The following TCERG1L variants were observed in gnomAD, a reference collection of about 807,000 sequenced individuals.
The protein encoded by TCERG1L is transcription elongation regulator 1-like protein.
In TCERG1L, 37 loss-of-function variants were observed where a neutral mutation model predicts 56.3. That is an observed-to-expected ratio of 0.66 (90% CI 0.51 to 0.87). The LOEUF (loss-of-function observed/expected upper bound fraction) is 0.87, where lower values mean the gene tolerates loss of function less well. TCERG1L is among the 40% of genes least tolerant of loss of function. TCERG1L has a pLI of 0.00. For synonymous variants in TCERG1L, 324 were observed against 326.3 expected, an observed-to-expected ratio of 0.99 and a Z score of 0.08; for missense variants, 799 against 774.2, an observed-to-expected ratio of 1.03 and a Z score of -0.38.
At chr10:131,176,288 A>G (rs997893227) in intron 4 of TCERG1L, among the ~76,000 whole-genome samples, 8 of 151,874 alleles carry the variant, frequency 5.3e-5, no homozygotes, top group Non-Finnish European at 1.0e-4. Context: ...ACACACACCA[A>G]GAAACATGCA....
chr10:131,237,417 T>G (rs983354132), intron 4 of TCERG1L, among the ~76,000 whole-genome samples: 1 of 152,204 alleles, frequency 6.6e-6, no homozygotes, highest in Non-Finnish European at 1.5e-5. Flanking sequence ...CAGAGATTTT[T>G]GTTTCTCAAG....
intron 4 of TCERG1L, among the ~76,000 whole-genome samples, chr10:131,196,333 A>G (rs959503549): frequency 6.6e-6 from 1 of 152,074 alleles, no homozygotes; most frequent in African/African-American, 2.4e-5. Flanking sequence ...AGGCACATAC[A>G]CAGCCGCGTC....
intron 3 of TCERG1L, among the ~76,000 whole-genome samples, chr10:131,262,271 G>A (rs1846243761): frequency 6.6e-6 from 1 of 152,150 alleles, no homozygotes; most frequent in Non-Finnish European, 1.5e-5. Flanking sequence ...GCTTCCAGAT[G>A]GGCTCAGTGC....
At chr10:131,243,089 A>C (rs917339392) in intron 4 of TCERG1L, among the ~76,000 whole-genome samples, 5 of 152,160 alleles carry the variant, frequency 3.3e-5, no homozygotes. Flanking sequence ...AGTTCTGAAT[A>C]CCTAAAGTTA....
At position 131,192,753 on chromosome 10, in the gene TCERG1L, A is replaced by AG. The variant is rs1845318077; in HGVS notation, c.857-25869dup. On this transcript the variant is annotated intron_variant, in intron 4 of 11. Coordinates refer to ENST00000368642, the MANE Select transcript of TCERG1L (RefSeq NM_174937.4). ...ATTATTCTAAGTGAAGTAGTAACAC[A>AG]GGAGTGGAAAACCAAAAACTGTATG... 1.4e-5 allele frequency among the ~76,000 whole-genome samples: 2 copies of AG among 144,740 alleles called. 1 individual carries two copies. Among genetic ancestry groups the AG allele is most frequent in the Admixed American group, 1.4e-4 (2 of 14,564 alleles). The allele number at this position is 144,740 out of a possible 152,430, so 95.0% of individuals were successfully genotyped here.
chr10:131,216,926 T>C (rs1049830609), intron 4 of TCERG1L, among the ~76,000 whole-genome samples: 7 of 152,076 alleles, frequency 4.6e-5, no homozygotes, highest in African/African-American at 1.7e-4. Context: ...GAGGGTGGCA[T>C]CTCTACCCAG....
At chr10:131,256,992 G>GGAAAGAAAAGAAAGAAAGAAAGAAA (rs1846173501) in intron 4 of TCERG1L, among the ~76,000 whole-genome samples, 1 of 59,170 alleles carries the variant, frequency 1.7e-5, no homozygotes, top group African/African-American at 5.5e-5. Context: ...AAGGAAGGAA[G>GGAAAGAAAAGAAAGAAAGAAAGAAA]GAAAGAAAGA....
Position 131,154,582 on chromosome 10 carries a change from G to A in TCERG1L, c.1035-7922C>T, listed in dbSNP as rs1332434572. On this transcript the variant is annotated intron_variant, in intron 6 of 11. Transcript: ENST00000368642. Reference sequence around the variant, plus strand: ...TCCTGGTCCTCCCCACCTTTTCTGGGGTTTTGTATCTGGGAAGGGCCCAAC... The same window carrying A: ...TCCTGGTCCTCCCCACCTTTTCTGGAGTTTTGTATCTGGGAAGGGCCCAAC... 3.3e-5 allele frequency among the ~76,000 whole-genome samples: 5 copies of A among 152,314 alleles called. No homozygotes were observed. In the East Asian group the frequency reaches 7.7e-4, roughly 24 times the overall value.
intron 8 of TCERG1L, among the ~76,000 whole-genome samples, chr10:131,127,478 G>A (rs902584166): frequency 3.9e-5 from 6 of 152,204 alleles, no homozygotes; most frequent in African/African-American, 1.4e-4. Flanking sequence ...TCCAAACCTC[G>A]GAGAAGCCCA....
intron 4 of TCERG1L, among the ~76,000 whole-genome samples, chr10:131,222,571 A>C (rs1023570154): frequency 5.3e-5 from 8 of 152,246 alleles, no homozygotes; most frequent in Non-Finnish European, 1.0e-4. Context: ...CTAGATTTTC[A>C]CATGGTTTCT....
chr10:131,203,493 C>G (rs960060201), intron 4 of TCERG1L, among the ~76,000 whole-genome samples: 2 of 152,190 alleles, frequency 1.3e-5, no homozygotes, highest in African/African-American at 4.8e-5. Flanking sequence ...GCTCACGTCT[C>G]TATTTTAAGG....
rs546937844 is a variant in TCERG1L, at chr10:131,093,625, G to A, written c.1605-307C>T. Among the ~76,000 whole-genome samples the A allele has an allele frequency of 1.2e-3, 179 of 152,232 alleles. 1 individual carries two copies. The highest frequency in any genetic ancestry group is 2.1e-4 in the South Asian group (1 of 4,808). On this transcript the variant is annotated intron_variant, in intron 11 of 11. Transcript: ENST00000368642. ...CAGCTGTCACTCCCCCAGCCGCCCC[G>A]ATCACAGCTTTGCTGGCCAGGTCTC... is the stretch of plus-strand genomic sequence containing the variant.
intron 4 of TCERG1L, among the ~76,000 whole-genome samples, chr10:131,189,804 C>G (rs1845286021): frequency 6.6e-6 from 1 of 152,124 alleles, no homozygotes; most frequent in Non-Finnish European, 1.5e-5. Context: ...CAACAGCATA[C>G]AAGAGTTCCT....
At chr10:131,296,855 A>G (rs1481839999) in intron 3 of TCERG1L, among the ~76,000 whole-genome samples, 2 of 152,204 alleles carry the variant, frequency 1.3e-5, no homozygotes, top group African/African-American at 4.8e-5. Context: ...TGCAATTTTA[A>G]AGGTACTTGT....
intron 3 of TCERG1L, among the ~76,000 whole-genome samples, chr10:131,285,528 G>A (rs1483274558): frequency 2.8e-4 from 4 of 14,408 alleles, no homozygotes; most frequent in African/African-American, 8.8e-4. Context: ...AAGAAAGAGA[G>A]AAAGAAAAGA....
intron 2 of TCERG1L, 69 bp downstream of exon 2, chr10:131,309,084 T>G: frequency 2.6e-6 from 4 of 1,544,268 alleles, no homozygotes; most frequent in Non-Finnish European, 3.5e-6. Context: ...GTATTTTTGT[T>G]GTTATGTCGA....
chr10:131,173,374 C>A (rs1846112618), intron 4 of TCERG1L, among the ~76,000 whole-genome samples: 1 of 152,172 alleles, frequency 6.6e-6, no homozygotes, highest in African/African-American at 2.4e-5. Context: ...GTCAATTTAA[C>A]CGGTACTGAG....
intron 3 of TCERG1L, among the ~76,000 whole-genome samples, chr10:131,307,810 T>C (rs1157269387): frequency 2.5e-4 from 38 of 152,180 alleles, no homozygotes; most frequent in Non-Finnish European, 1.5e-5. Flanking sequence ...TCACACATGT[T>C]CCTGCGTCCT....
chr10:131,142,679 G>T (rs915616755), intron 7 of TCERG1L, among the ~76,000 whole-genome samples: 13 of 152,104 alleles, frequency 8.5e-5, no homozygotes, highest in African/African-American at 2.7e-4. Context: ...CATCAGACCC[G>T]CCGGGGTGCA....
Sources: allele counts gnomAD v4.1 joint callset (sites outside exome capture counted in the v4.1 genomes callset), GRCh38; gene constraint gnomAD v4.1.1; transcripts MANE v1.5; gene names NCBI Gene and HGNC (gene_info 2026-07-23, HGNC 2026-07-21).